The following CSMD1 variants were observed in gnomAD, a reference collection of about 807,000 sequenced individuals.
CSMD1 encodes the protein CUB and sushi domain-containing protein 1.
A neutral mutation model predicts 417.5 loss-of-function variants in CSMD1; 213 were observed. The ratio of observed to expected loss-of-function variants is 0.51; its 90% confidence interval spans 0.46 to 0.57. The LOEUF is 0.57. Ranked by LOEUF, CSMD1 falls within the 20% of genes least tolerant of loss-of-function variation. The pLI, the probability that CSMD1 is intolerant of heterozygous loss-of-function variation, is 0.00. For missense variants in CSMD1, 6,923 were observed against 4,529.7 expected, an observed-to-expected ratio of 1.53 and a Z score of -15.17; for synonymous variants, 2,862 against 1,736.8, an observed-to-expected ratio of 1.65 and a Z score of -16.11.
intron 10 of CSMD1, among the ~76,000 whole-genome samples, chr8:3,509,296 G>T (rs73658144): frequency 3.9e-5 from 6 of 152,100 alleles, no homozygotes; most frequent in African/African-American, 1.4e-4. Context: ...ATATATTTAA[G>T]CCTTTCCCCC....
chr8:4,456,985 T>TAAAA (rs1554485114), intron 2 of CSMD1, among the ~76,000 whole-genome samples: 4,179 of 138,712 alleles, frequency 0.03, 103 homozygotes, highest in Non-Finnish European at 0.043. Context: ...GGTTTTTTTT[T>TAAAA]AAAAAAAAAA....
chr8:2,950,176 C>T, intron 67 of CSMD1, 55 bp downstream of exon 67: 1 of 1,177,270 alleles, frequency 8.5e-7, no homozygotes, highest in African/African-American at 1.5e-5. Flanking sequence ...TGCATCTGCA[C>T]AGAGAGATGA....
intron 1 of CSMD1, among the ~76,000 whole-genome samples, chr8:4,991,372 A>G (rs1234167768): frequency 6.6e-6 from 1 of 152,248 alleles, no homozygotes; most frequent in East Asian, 1.9e-4. Flanking sequence ...CCAACGCTTT[A>G]TTGAAGAGTA....
intron 26 of CSMD1, among the ~76,000 whole-genome samples, chr8:3,280,018 A>T (rs915228730): frequency 6.6e-6 from 1 of 152,206 alleles, no homozygotes; most frequent in Non-Finnish European, 1.5e-5. Flanking sequence ...GAGATGGTCA[A>T]TGCAGCAGCT....
At chr8:4,252,765 G>C (rs1001786314) in intron 3 of CSMD1, among the ~76,000 whole-genome samples, 1 of 152,198 alleles carries the variant, frequency 6.6e-6, no homozygotes, top group Non-Finnish European at 1.5e-5. Context: ...TGCAGTGGCA[G>C]ACATACACCA....
intron 1 of CSMD1, among the ~76,000 whole-genome samples, chr8:4,710,515 G>A (rs1361296408): frequency 6.7e-6 from 1 of 149,104 alleles, no homozygotes; most frequent in Non-Finnish European, 1.5e-5. Context: ...CATTGAGTAA[G>A]TGTGCCAGGA....
chr8:4,255,924 C>G (rs939111913), intron 3 of CSMD1, among the ~76,000 whole-genome samples: 2 of 152,152 alleles, frequency 1.3e-5, no homozygotes, highest in African/African-American at 4.8e-5. Context: ...TTGTTGTGTT[C>G]TTGACTTTCT....
At chr8:4,797,805 G>T (rs551640355) in intron 1 of CSMD1, among the ~76,000 whole-genome samples, 3 of 152,144 alleles carry the variant, frequency 2.0e-5, no homozygotes, top group Non-Finnish European at 4.4e-5. Flanking sequence ...AAAAATACTT[G>T]TGCTCATGTA....
At chr8:4,360,753 A>T (rs1424389172) in intron 3 of CSMD1, among the ~76,000 whole-genome samples, 1 of 151,584 alleles carries the variant, frequency 6.6e-6, no homozygotes, top group Non-Finnish European at 1.5e-5. Context: ...CTCGGCCTCC[A>T]AAAGTGCTGG....
At chr8:4,212,749 T>C (rs979455873) in intron 3 of CSMD1, among the ~76,000 whole-genome samples, 2 of 94,948 alleles carry the variant, frequency 2.1e-5, no homozygotes, top group Non-Finnish European at 4.2e-5. Flanking sequence ...AGCGGCCTTA[T>C]TCTTTTTTTT....
chr8:3,586,276 A>G lies in CSMD1; in HGVS notation c.1098-16T>C. Reference sequence around the variant, plus strand: ...TGCACCAACCCTAAGCCGTTAAAAAAGAAAAAAAAAAACCCAAATTATTTA... The same window carrying G: ...TGCACCAACCCTAAGCCGTTAAAAAGGAAAAAAAAAAACCCAAATTATTTA... On this transcript the variant is annotated splice_polypyrimidine_tract_variant and intron_variant, in intron 8 of 69. Coordinates refer to ENST00000635120, the MANE Select transcript of CSMD1 (RefSeq NM_033225.6). 6.7e-7 allele frequency: 1 copy of G among 1,486,702 alleles called. No individual in the cohort carries two copies. The highest frequency in any genetic ancestry group is 8.9e-7 in the Non-Finnish European group (1 of 1,123,474). The allele number at this position is 1,486,702 out of a possible 1,614,324, so 92.1% of individuals were successfully genotyped here.
chr8:3,048,550 G>T (rs1811608462), intron 50 of CSMD1, among the ~76,000 whole-genome samples: 1 of 152,112 alleles, frequency 6.6e-6, no homozygotes, highest in East Asian at 1.9e-4. Flanking sequence ...AAATAATCCA[G>T]ACACAGACCT....
intron 2 of CSMD1, among the ~76,000 whole-genome samples, chr8:4,630,497 A>G (rs1289147528): frequency 6.6e-6 from 1 of 152,166 alleles, no homozygotes; most frequent in Non-Finnish European, 1.5e-5. Context: ...AAAAACAAAA[A>G]CAAAAATACT....
intron 1 of CSMD1, among the ~76,000 whole-genome samples, chr8:4,825,852 G>C (rs1197555616): frequency 6.6e-6 from 1 of 151,498 alleles, no homozygotes; most frequent in Non-Finnish European, 1.5e-5. Flanking sequence ...ACACTTCTCT[G>C]AAGAGATACA....
intron 3 of CSMD1, among the ~76,000 whole-genome samples, chr8:4,347,683 C>T (rs1800852200): frequency 6.6e-6 from 1 of 152,130 alleles, no homozygotes; most frequent in Non-Finnish European, 1.5e-5. Flanking sequence ...GCAATGACTC[C>T]TATTACTACA....
At chr8:4,839,029 T>C (rs1228625498) in intron 1 of CSMD1, among the ~76,000 whole-genome samples, 1 of 152,212 alleles carries the variant, frequency 6.6e-6, no homozygotes, top group African/African-American at 2.4e-5. Flanking sequence ...TTTGCCAGTA[T>C]AACTTTTTGG....
intron 3 of CSMD1, among the ~76,000 whole-genome samples, chr8:4,289,230 C>G (rs777718635): frequency 1.3e-5 from 2 of 152,136 alleles, no homozygotes; most frequent in African/African-American, 4.8e-5. Flanking sequence ...TCGGTCATTT[C>G]TCATATTGTT....
At chr8:4,701,108 G>A (rs1207609177) in intron 1 of CSMD1, among the ~76,000 whole-genome samples, 1 of 152,066 alleles carries the variant, frequency 6.6e-6, no homozygotes, top group Non-Finnish European at 1.5e-5. Context: ...GATGAAAGGT[G>A]AATGTTGCAA....
intron 1 of CSMD1, among the ~76,000 whole-genome samples, chr8:4,737,971 C>T (rs1257620118): frequency 6.6e-6 from 1 of 152,108 alleles, no homozygotes; most frequent in Non-Finnish European, 1.5e-5. Context: ...TAACAGCCTG[C>T]CATTGAAGCA....
Sources: gnomAD v4.1 joint callset for allele counts (sites outside exome capture counted in the v4.1 genomes callset) on GRCh38, gnomAD v4.1.1 for gene constraint, MANE v1.5 for transcripts, NCBI Gene and HGNC (gene_info 2026-07-23, HGNC 2026-07-21) for gene names.